Variants in CHAF1B observed in about 807,000 individuals in gnomAD.
CHAF1B encodes chromatin assembly factor 1 subunit B, also known as CAF-1 subunit B.
In CHAF1B, 10 loss-of-function variants were observed where a neutral mutation model predicts 60.7. That is an observed-to-expected ratio of 0.16 (90% CI 0.10 to 0.28). The LOEUF is 0.28. CHAF1B is among the 10% of genes least tolerant of loss of function. CHAF1B has a pLI of 1.00. For missense variants in CHAF1B, 558 were observed against 708.4 expected, an observed-to-expected ratio of 0.79 and a Z score of 2.41; for synonymous variants, 261 against 266.1, an observed-to-expected ratio of 0.98 and a Z score of 0.19.
chr21:36,390,538 T>A (rs1296955642), intron 3 of CHAF1B, among the ~76,000 whole-genome samples: 2 of 152,182 alleles, frequency 1.3e-5, no homozygotes, highest in African/African-American at 4.8e-5. Flanking sequence ...ACCTGATATC[T>A]ATAATGGTAT....
chr21:36,387,606 G>A lies in CHAF1B; in HGVS notation c.135G>A (p.Lys45=). Reference sequence around the variant, plus strand: ...TGTGTTGGTATTGACAGATCTGGAAGGTAGAAAAGGGACCAGATGGAAAAG... The same window carrying A: ...TGTGTTGGTATTGACAGATCTGGAAAGTAGAAAAGGGACCAGATGGAAAAG... ...AGVDTNVRIW[K]VEKGPDGKAI... The change falls in exon 3 of 14, where the codon AAG becomes AAA. Residue 45 remains lysine (K), a synonymous_variant. Coordinates refer to ENST00000314103, the MANE Select transcript of CHAF1B (RefSeq NM_005441.3). 6.2e-7 allele frequency: 1 copy of A among 1,614,146 alleles called. No individual in the cohort carries two copies. The highest frequency in any genetic ancestry group is 1.1e-5 in the South Asian group (1 of 91,078).
chr21:36,397,106 G>A (rs1463043524), intron 5 of CHAF1B, among the ~76,000 whole-genome samples: 1 of 152,104 alleles, frequency 6.6e-6, no homozygotes, highest in Non-Finnish European at 1.5e-5. Flanking sequence ...CTGACCTGGG[G>A]AACTGAACTT....
intron 2 of CHAF1B, 35 bp downstream of exon 2, chr21:36,386,297 T>C: frequency 6.2e-7 from 1 of 1,605,944 alleles, no homozygotes; most frequent in Non-Finnish European, 8.5e-7. Flanking sequence ...CCGGGAACAC[T>C]GCTTGAAGCA....
chr21:36,387,835 TGAGA>T, intron 3 of CHAF1B, 105 bp downstream of exon 3: 1 of 1,200,588 alleles, frequency 8.3e-7, no homozygotes, highest in Non-Finnish European at 1.2e-6. Flanking sequence ...TTTTTTTTTT[TGAGA>T]TAGAGTTTCA....
intron 10 of CHAF1B, among the ~76,000 whole-genome samples, chr21:36,411,254 C>G (rs1004282153): frequency 6.6e-6 from 1 of 152,064 alleles, no homozygotes; most frequent in Admixed American, 6.6e-5. Flanking sequence ...GTTGGTACTA[C>G]AGGCACACAC....
At chr21:36,391,516 G>T in intron 3 of CHAF1B, 35 bp from the exon 4 acceptor site, 1 of 1,206,126 alleles carries the variant, frequency 8.3e-7, no homozygotes, top group South Asian at 1.2e-5. Context: ...GAGTGTGGGT[G>T]AAGCGTGGAT....
intron 7 of CHAF1B, among the ~76,000 whole-genome samples, chr21:36,400,276 T>A (rs2146367612): frequency 6.6e-6 from 1 of 152,022 alleles, no homozygotes; most frequent in South Asian, 2.1e-4. Flanking sequence ...GGTCAGGAGT[T>A]TGGGACTGGC....
chr21:36,403,256 A>G (rs1430549471), intron 8 of CHAF1B, among the ~76,000 whole-genome samples: 1 of 151,848 alleles, frequency 6.6e-6, no homozygotes, highest in Admixed American at 6.6e-5. Flanking sequence ...TCAAGAGTTC[A>G]TGACCAGCCT....
At chr21:36,411,739 A>G in intron 11 of CHAF1B, 135 bp downstream of exon 11, 1 of 1,087,876 alleles carries the variant, frequency 9.2e-7, no homozygotes. Context: ...TTTCTTATTT[A>G]TTTTTTTGAG....
At chr21:36,414,616 T>G (rs942207986) in intron 12 of CHAF1B, among the ~76,000 whole-genome samples, 1 of 152,182 alleles carries the variant, frequency 6.6e-6, no homozygotes, top group Non-Finnish European at 1.5e-5. Context: ...TTTTATTTAT[T>G]TATTTATTCA....
At chr21:36,399,644 A>T (rs774849385) in intron 7 of CHAF1B, 39 bp downstream of exon 7, 1 of 1,541,768 alleles carries the variant, frequency 6.5e-7, no homozygotes, top group African/African-American at 1.4e-5. Context: ...GCAGCGCTTT[A>T]ACTGAGACTT....
rs537451637 is a variant in CHAF1B at position 36,392,152 on chromosome 21, A to G, written c.377+484A>G. ...CTGAAGGAGCATGCTGCCTTCAAGC[A>G]TCTGTTTAACAAAGCACATCTTGTA... On this transcript the variant is annotated intron_variant, in intron 4 of 13. Coordinates refer to ENST00000314103, the MANE Select transcript of CHAF1B (RefSeq NM_005441.3). 7.6e-4 allele frequency among the ~76,000 whole-genome samples: 115 copies of G among 151,780 alleles called. 1 individual carries two copies. The highest frequency in any genetic ancestry group is 2.7e-3 in the African/African-American group (110 of 41,282).
In CHAF1B at chr21:36,413,315, G is replaced by A; in HGVS notation, c.1493G>A (p.Arg498Gln). ...TLQAWSKTTP[R>Q]RINLTPLKTD... ...CAAGCCTGGAGCAAGACAACACCCC[G>A]GTAAGAACTTGTTGGAACAAGATGT... is the stretch of plus-strand genomic sequence containing the variant. The change falls in exon 12 of 14, where the codon CGG becomes CAG. Residue 498 changes from arginine to glutamine, a missense_variant and splice_region_variant. Arg to Gln is a conservative substitution (Grantham distance 43). Transcript: ENST00000314103. 6.4e-7 allele frequency: 1 copy of A among 1,559,324 alleles called. No homozygotes were observed. The highest frequency in any genetic ancestry group is 8.7e-7 in the Non-Finnish European group (1 of 1,155,292).
rs543805385 is a variant in CHAF1B at position 36,407,743 on chromosome 21, G to A, written c.758-1018G>A. Among the ~76,000 whole-genome samples the A allele has an allele frequency of 5.9e-5, 9 of 152,118 alleles. No homozygotes were observed. The South Asian group carries it at 1.2e-3, about 21-fold the overall frequency. Reference sequence around the variant, plus strand: ...CTGTAATCCCAGCACTTTGGGAGGCGGAGGAGGGCAGATCACTTGAGGTCA... The same window carrying A: ...CTGTAATCCCAGCACTTTGGGAGGCAGAGGAGGGCAGATCACTTGAGGTCA... On this transcript the variant is annotated intron_variant, in intron 8 of 13. Transcript: ENST00000314103.
chr21:36,404,982 G>A (rs557244890), intron 8 of CHAF1B, among the ~76,000 whole-genome samples: 67 of 152,148 alleles, frequency 4.4e-4, no homozygotes, highest in African/African-American at 1.5e-3. Context: ...GACCTCAGGT[G>A]ATCTGCCCAC....
chr21:36,387,099 T>A (rs1373585491), intron 2 of CHAF1B, among the ~76,000 whole-genome samples: 3 of 152,144 alleles, frequency 2.0e-5, no homozygotes, highest in African/African-American at 7.2e-5. Flanking sequence ...TCCTACTGGG[T>A]AACAAGTTGC....
chr21:36,391,803 A>G, intron 4 of CHAF1B, 135 bp downstream of exon 4: 1 of 516,570 alleles, frequency 1.9e-6, no homozygotes, highest in Non-Finnish European at 3.5e-6. Context: ...CTGTACTGTG[A>G]TCACAGTACC....
chr21:36,388,355 T>C (rs1161585349), intron 3 of CHAF1B, among the ~76,000 whole-genome samples: 1 of 152,168 alleles, frequency 6.6e-6, no homozygotes, highest in Non-Finnish European at 1.5e-5. Context: ...GCGACTGTTC[T>C]GGTTTTGTTG....
At position 36,387,618 on chromosome 21, in the gene CHAF1B, A is replaced by T. The variant is rs770095096; in HGVS notation, c.147A>T (p.Gly49=). 7.4e-6 allele frequency: 12 copies of T among 1,614,168 alleles called. No homozygotes were observed. In the South Asian group the frequency reaches 1.2e-4, roughly 16 times the overall value. Residue 49 remains glycine, a synonymous_variant, in exon 3 of 14, where the codon GGA becomes GGT. Transcript: ENST00000314103. ...TNVRIWKVEK[G]PDGKAIVEFL... ...GACAGATCTGGAAGGTAGAAAAGGG[A>T]CCAGATGGAAAAGCCATCGTGGAAT... is the stretch of plus-strand genomic sequence containing the variant.
Sources: allele counts gnomAD v4.1 joint callset (sites outside exome capture counted in the v4.1 genomes callset), GRCh38; gene constraint gnomAD v4.1.1; transcripts MANE v1.5; gene names NCBI Gene and HGNC (gene_info 2026-07-23, HGNC 2026-07-21).